The following TTC28 variants were observed in gnomAD, a reference collection of about 807,000 sequenced individuals.
TTC28 encodes tetratricopeptide repeat protein 28.
A neutral mutation model predicts 198.0 loss-of-function variants in TTC28; 61 were observed. That is an observed-to-expected ratio of 0.31 (90% CI 0.25 to 0.38). The LOEUF (loss-of-function observed/expected upper bound fraction) is 0.38, where lower values mean the gene tolerates loss of function less well. Ranked by LOEUF, TTC28 falls within the 10% of genes least tolerant of loss-of-function variation. The probability of loss-of-function intolerance (pLI) is 1.00; values close to 1 mark genes in which losing one functional copy is unlikely to be tolerated. For synonymous variants in TTC28, 1,171 were observed against 1,297.8 expected, an observed-to-expected ratio of 0.90 and a Z score of 2.10; for missense variants, 2,678 against 3,164.0, an observed-to-expected ratio of 0.85 and a Z score of 3.69.
chr22:28,348,401 C>T (rs9613598), intron 2 of TTC28, among the ~76,000 whole-genome samples: 2,459 of 152,230 alleles, frequency 0.016, 45 homozygotes, highest in Non-Finnish European at 0.023. Flanking sequence ...CTACCTAGGA[C>T]GCCTCCAGAG....
Position 28,339,555 on chromosome 22 carries a change from G to A in TTC28, c.382-32912C>T, listed in dbSNP as rs540793836. Among the ~76,000 whole-genome samples, 5 of 152,242 alleles carry A rather than the reference G, an allele frequency of 3.3e-5. No individual in the cohort carries two copies. In the South Asian group the frequency reaches 8.3e-4, roughly 25 times the overall value. On this transcript the variant is annotated intron_variant, in intron 2 of 22. Transcript: ENST00000397906. Reference sequence around the variant, plus strand: ...GGGCTCCACTCAGTTCAAGCTTCCCGGCCGCTTTGTTTACCTACTCAAGCC... The same window carrying A: ...GGGCTCCACTCAGTTCAAGCTTCCCAGCCGCTTTGTTTACCTACTCAAGCC...
chr22:28,195,769 G>A (rs1228016994), intron 5 of TTC28, among the ~76,000 whole-genome samples: 2 of 130,076 alleles, frequency 1.5e-5, no homozygotes, highest in African/African-American at 5.9e-5. Flanking sequence ...ACAAACCACT[G>A]CTCAACAAAA....
At chr22:28,311,412 ATG>A (rs1226065777) in intron 2 of TTC28, among the ~76,000 whole-genome samples, 2 of 152,220 alleles carry the variant, frequency 1.3e-5, no homozygotes, top group Non-Finnish European at 2.9e-5. Context: ...ATATCACTGT[ATG>A]TATACAAAAC....
intron 12 of TTC28, among the ~76,000 whole-genome samples, chr22:28,068,559 A>G (rs1244449846): frequency 6.6e-6 from 1 of 151,978 alleles, no homozygotes; most frequent in Non-Finnish European, 1.5e-5. Flanking sequence ...CGAGGTCTCT[A>G]TTTCTTTAAA....
chr22:28,637,014 T>TG lies in TTC28; in HGVS notation c.103-7185_103-7184insC, dbSNP rs200463391. Among the ~76,000 whole-genome samples the TG allele has an allele frequency of 1.2e-3, 178 of 144,802 alleles. 5 individuals are homozygous for TG. In the South Asian group the frequency reaches 0.03, roughly 24 times the overall value. 95.0% of individuals were successfully genotyped at this position (144,802 alleles called of 152,430 possible). A position where few individuals can be genotyped will look rare whatever the true frequency, so the allele number is the denominator to read the frequency against. ...AGTTTCAGGTCTTCAGTTTTTTTTT[T>TG]TTTTTTTTTTTTGAGACGGAGTCTT... On this transcript the variant is annotated intron_variant, in intron 1 of 22. Coordinates refer to ENST00000397906, the MANE Select transcript of TTC28 (RefSeq NM_001145418.2).
intron 3 of TTC28, chr22:28,303,766 T>G (rs1026468039): frequency 1.3e-5 from 2 of 151,858 alleles, no homozygotes; most frequent in African/African-American, 2.4e-5. Flanking sequence ...CTGGTCTGAG[T>G]GCAATAGTAG....
intron 2 of TTC28, among the ~76,000 whole-genome samples, chr22:28,426,761 G>T (rs1471609602): frequency 1.3e-5 from 2 of 152,072 alleles, no homozygotes; most frequent in Non-Finnish European, 2.9e-5. Flanking sequence ...TTCAGAAATG[G>T]CCTTTTGTTT....
chr22:28,297,475 A>G (rs2044923113), intron 4 of TTC28, 105 bp downstream of exon 4: 1 of 1,354,324 alleles, frequency 7.4e-7, no homozygotes, highest in Non-Finnish European at 9.9e-7. Flanking sequence ...TACAGGTGTG[A>G]GCAACCAGGC....
At position 28,013,832 on chromosome 22, in the gene TTC28, C is replaced by T. The variant is rs147534509; in HGVS notation, c.4218+416G>A. Among the ~76,000 whole-genome samples, 431 of 152,278 alleles carry T rather than the reference C, an allele frequency of 2.8e-3. 5 individuals carry two copies. Among genetic ancestry groups the T allele is most frequent in the African/African-American group, 9.0e-3 (375 of 41,548 alleles). ...TCTGCTAGGTGGGAAAGGGCAGCCT[C>T]GTCCTCACACTGATGCACGGCCCCT... is the stretch of plus-strand genomic sequence containing the variant. On this transcript the variant is annotated intron_variant, in intron 14 of 22. Transcript: ENST00000397906.
chr22:28,292,218 C>T (rs2145768983), intron 5 of TTC28, among the ~76,000 whole-genome samples: 1 of 152,236 alleles, frequency 6.6e-6, no homozygotes, highest in East Asian at 1.9e-4. Context: ...CAGGGCCTCT[C>T]TCTCTCTTGC....
intron 2 of TTC28, among the ~76,000 whole-genome samples, chr22:28,387,614 ATG>A (rs1271169374): frequency 6.6e-6 from 1 of 152,058 alleles, no homozygotes; most frequent in Admixed American, 6.5e-5. Flanking sequence ...GCATTTTCTC[ATG>A]TGTTTTTTGG....
intron 2 of TTC28, among the ~76,000 whole-genome samples, chr22:28,475,182 GA>G (rs1269863255): frequency 1.4e-5 from 2 of 141,268 alleles, no homozygotes; most frequent in Non-Finnish European, 3.1e-5. Flanking sequence ...AGAAAGAAAA[GA>G]AAAGAAAGAA....
chr22:28,124,875 G>A (rs1025225438), intron 6 of TTC28, among the ~76,000 whole-genome samples: 2 of 152,190 alleles, frequency 1.3e-5, no homozygotes, highest in African/African-American at 4.8e-5. Flanking sequence ...AGTCCTATAG[G>A]TTCCCCAATT....
chr22:28,158,980 C>A (rs1375220805), intron 6 of TTC28, among the ~76,000 whole-genome samples: 1 of 152,068 alleles, frequency 6.6e-6, no homozygotes, highest in African/African-American at 2.4e-5. Context: ...AGAGACAACC[C>A]ACAGAATGGG....
chr22:28,031,493 T>C (rs1022953511), intron 12 of TTC28, among the ~76,000 whole-genome samples: 3 of 152,060 alleles, frequency 2.0e-5, no homozygotes, highest in African/African-American at 7.2e-5. Flanking sequence ...GCTAGGCAGG[T>C]GGGACTCTGG....
chr22:28,029,436 A>C (rs1444929328), intron 13 of TTC28, among the ~76,000 whole-genome samples: 2 of 152,198 alleles, frequency 1.3e-5, no homozygotes, highest in Admixed American at 6.5e-5. Flanking sequence ...TTCTAGGGTC[A>C]ACCAGCTGCC....
rs146089704 is a variant in TTC28 at position 28,647,280 on chromosome 22, T to C, written c.103-17450A>G. Among the ~76,000 whole-genome samples, 3 of 152,144 alleles carry C rather than the reference T, an allele frequency of 2.0e-5. No homozygotes were observed. The East Asian group carries it at 5.8e-4, about 29-fold the overall frequency. On this transcript the variant is annotated intron_variant, in intron 1 of 22. Transcript: ENST00000397906. The stretch of plus-strand genomic sequence containing the variant: ...AATCTAGGACCTGAAATCATAGAAA[T>C]TCTAGAAGAAAATCTAGGAAAAACT...
chr22:28,355,841 C>T (rs1347804784), intron 2 of TTC28, among the ~76,000 whole-genome samples: 2 of 152,166 alleles, frequency 1.3e-5, no homozygotes, highest in East Asian at 3.9e-4. Context: ...CTATGGAGTC[C>T]AGAACAACGA....
At chr22:28,552,770 C>CCTCCCCCTCCCCCTCTCCCCACGGT (rs2049700985) in intron 2 of TTC28, among the ~76,000 whole-genome samples, 1 of 144,238 alleles carries the variant, frequency 6.9e-6, no homozygotes, top group African/African-American at 2.5e-5. Context: ...TCCGCCTCCC[C>CCTCCCCCTCCCCCTCTCCCCACGGT]CTCCCCCTCC....
Sources: allele counts gnomAD v4.1 joint callset (sites outside exome capture counted in the v4.1 genomes callset), GRCh38; gene constraint gnomAD v4.1.1; transcripts MANE v1.5; gene names NCBI Gene and HGNC (gene_info 2026-07-23, HGNC 2026-07-21).